The following SPART variants were observed in gnomAD, a reference collection of about 807,000 sequenced individuals.
SPART encodes the protein spartin.
In SPART, 35 loss-of-function variants were observed where a neutral mutation model predicts 58.7. The observed-to-expected ratio is 0.60, with a 90% CI of 0.46 to 0.79. The LOEUF is 0.79. Among genes scored for constraint, SPART ranks in the 30% least tolerant of loss-of-function variants. The pLI is 0.00. For missense variants in SPART, 730 were observed against 786.1 expected, an observed-to-expected ratio of 0.93 and a Z score of 0.85; for synonymous variants, 284 against 280.7, an observed-to-expected ratio of 1.01 and a Z score of -0.12.
intron 1 of SPART, among the ~76,000 whole-genome samples, chr13:36,337,219 C>A (rs968364147): frequency 1.3e-5 from 2 of 152,216 alleles, no homozygotes; most frequent in African/African-American, 2.4e-5. Flanking sequence ...ATTGCACATT[C>A]TCAGTATCAT....
In SPART at chr13:36,342,875, A is replaced by G. The variant is rs114616471; in HGVS notation, c.-3+3350T>C. Among the ~76,000 whole-genome samples, 407 of 152,310 alleles carry G rather than the reference A, an allele frequency of 2.7e-3. 3 individuals carry two copies. Among genetic ancestry groups the G allele is most frequent in the African/African-American group, 9.3e-3 (385 of 41,550 alleles). ...CTGAGAATATGCCCATTGTCCAGTT[A>G]TCATGCTGATTTTTATTCCCCAAGA... On this transcript the variant is annotated intron_variant, in intron 1 of 8. Transcript: ENST00000438666.
intron 8 of SPART, among the ~76,000 whole-genome samples, chr13:36,305,326 C>T (rs540582562): frequency 4.3e-4 from 66 of 152,252 alleles, no homozygotes; most frequent in Non-Finnish European, 8.2e-4. Context: ...CACCTCTTGA[C>T]AATCGATTCC....
chr13:36,304,754 G>C, intron 8 of SPART, 122 bp from the exon 9 acceptor site: 1 of 1,021,434 alleles, frequency 9.8e-7, no homozygotes. Flanking sequence ...TTAAAGCTTA[G>C]GTTTCAATTT....
chr13:36,338,312 C>A (rs1299571230), intron 1 of SPART, among the ~76,000 whole-genome samples: 1 of 152,114 alleles, frequency 6.6e-6, no homozygotes, highest in East Asian at 1.9e-4. Flanking sequence ...GATGAAAAGT[C>A]AACAGTACTT....
chr13:36,368,099 A>C (rs1886138589), intron 1 of SPART: 1 of 388,726 alleles, frequency 2.6e-6, no homozygotes, highest in African/African-American at 2.1e-5. Context: ...TAAAACTTTA[A>C]GGCTTATCAC....
chr13:36,348,467 G>T (rs149369625), upstream of SPART, among the ~76,000 whole-genome samples: 175 of 152,230 alleles, frequency 1.1e-3, no homozygotes, highest in African/African-American at 4.0e-3. Context: ...AAACCCTAAA[G>T]AATTTACTAC....
chr13:36,367,208 G>C (rs1475766020), intron 1 of SPART, among the ~76,000 whole-genome samples: 1 of 152,144 alleles, frequency 6.6e-6, no homozygotes, highest in Non-Finnish European at 1.5e-5. Flanking sequence ...CCTTTGATAT[G>C]CAAATGCTGG....
intron 1 of SPART, chr13:36,336,500 G>C (rs546162960): frequency 6.6e-6 from 1 of 152,234 alleles, no homozygotes; most frequent in African/African-American, 2.4e-5. Context: ...AACTAAAATC[G>C]AGTGATACCA....
At chr13:36,319,953 C>A (rs934388639) in intron 5 of SPART, among the ~76,000 whole-genome samples, 1 of 152,192 alleles carries the variant, frequency 6.6e-6, no homozygotes, top group African/African-American at 2.4e-5. Flanking sequence ...GCACCTTCTA[C>A]AAAACAACAA....
chr13:36,305,162 G>C (rs1377234064), intron 8 of SPART, among the ~76,000 whole-genome samples: 3 of 152,006 alleles, frequency 2.0e-5, no homozygotes, highest in Non-Finnish European at 4.4e-5. Context: ...GCTGTTCCTT[G>C]AGCCCACCAA....
chr13:36,357,944 T>C (rs1885684495), intron 1 of SPART, among the ~76,000 whole-genome samples: 1 of 152,152 alleles, frequency 6.6e-6, no homozygotes, highest in South Asian at 2.1e-4. Flanking sequence ...AGGTTTTGGA[T>C]GGAAAGATCG....
chr13:36,352,416 T>C lies in SPART; in HGVS notation c.-2-16584A>G, dbSNP rs182448984. On this transcript the variant is annotated intron_variant, in intron 1 of 8. Transcript: ENST00000355182. ...GTTGGCTATCTTATTTTCTATTATA[T>C]GTGTAACAGAGTGGTGGAGTGGGAT... Among the ~76,000 whole-genome samples, 82 of 152,342 alleles carry C rather than the reference T, an allele frequency of 5.4e-4. 2 individuals are homozygous for C. Among genetic ancestry groups the C allele is most frequent in the Admixed American group, 5.3e-3 (81 of 15,294 alleles).
chr13:36,308,050 C>T (rs1159618327), intron 8 of SPART, among the ~76,000 whole-genome samples: 1 of 152,070 alleles, frequency 6.6e-6, no homozygotes, highest in Non-Finnish European at 1.5e-5. Context: ...GAGTACTCCA[C>T]AAATGGTCAT....
chr13:36,345,818 C>T (rs1343487558), intron 1 of SPART, among the ~76,000 whole-genome samples: 1 of 152,126 alleles, frequency 6.6e-6, no homozygotes, highest in Non-Finnish European at 1.5e-5. Context: ...GGGCCATGGG[C>T]GCTGCGGGAG....
chr13:36,352,935 G>C (rs1885476443), intron 1 of SPART, among the ~76,000 whole-genome samples: 1 of 152,160 alleles, frequency 6.6e-6, no homozygotes, highest in African/African-American at 2.4e-5. Context: ...ACTCCAGCCT[G>C]AGTGACAGAA....
chr13:36,336,627 C>A (rs1283163245), intron 1 of SPART, among the ~76,000 whole-genome samples: 1 of 152,162 alleles, frequency 6.6e-6, no homozygotes, highest in Non-Finnish European at 1.5e-5. Context: ...TTTTGGAAAA[C>A]CGGCAGTTTC....
intron 1 of SPART, among the ~76,000 whole-genome samples, chr13:36,358,849 CT>C (rs1885724121): frequency 6.6e-6 from 1 of 152,148 alleles, no homozygotes; most frequent in South Asian, 2.1e-4. Flanking sequence ...AGTTAAAGGA[CT>C]TTTGGAATTT....
upstream of SPART, chr13:36,346,869 G>A (rs1192157859): frequency 6.6e-6 from 1 of 152,280 alleles, no homozygotes; most frequent in Admixed American, 6.5e-5. Flanking sequence ...CAGTGCACGA[G>A]AGACAATAAA....
chr13:36,369,535 C>T (rs555993922), intron 1 of SPART: 4 of 152,264 alleles, frequency 2.6e-5, no homozygotes, highest in South Asian at 2.1e-4. Context: ...CCAAAGCCAA[C>T]GTACTTTCCC....
Sources: allele counts gnomAD v4.1 joint callset (sites outside exome capture counted in the v4.1 genomes callset), GRCh38; gene constraint gnomAD v4.1.1; transcripts MANE v1.5; gene names NCBI Gene and HGNC (gene_info 2026-07-23, HGNC 2026-07-21).